Variants in KLHL13 observed in about 807,000 individuals in gnomAD.
The protein encoded by KLHL13 is kelch like family member 13.
KLHL13 carries 10 observed loss-of-function variants against 37.1 expected under a neutral mutation model. The ratio of observed to expected loss-of-function variants is 0.27; its 90% CI spans 0.17 to 0.46. The LOEUF is 0.46. Among genes scored for constraint, KLHL13 ranks in the 20% least tolerant of loss-of-function variants. KLHL13 has a pLI of 1.00. For missense variants in KLHL13, 360 were observed against 509.3 expected (o/e 0.71, Z 2.82); for synonymous variants, 163 against 181.2 (o/e 0.90, Z 0.81).
At chrX:117,930,240 GGGAGGA>G (rs1569418469) in intron 2 of KLHL13, among the ~76,000 whole-genome samples, 31 of 81,740 alleles carry the variant, frequency 3.8e-4, no homozygotes, top group African/African-American at 8.7e-4. Context: ...AAGGAAGGAA[GGGAGGA>G]AGGAAGGAAG....
chrX:118,101,301 T>A (rs956629631), intron 1 of KLHL13, among the ~76,000 whole-genome samples: 2 of 111,884 alleles, frequency 1.8e-5, no homozygotes, highest in Admixed American at 1.9e-4. Context: ...ATTAGTAAAC[T>A]AAATATTCAT....
chrX:117,930,300 G>A (rs1932378378), intron 2 of KLHL13, among the ~76,000 whole-genome samples: 1 of 105,693 alleles, frequency 9.5e-6, no homozygotes, highest in South Asian at 4.4e-4. Flanking sequence ...AAGGCAGGCA[G>A]GCAGGCAGGC....
intron 1 of KLHL13, among the ~76,000 whole-genome samples, chrX:117,982,875 T>C (rs1283766551): frequency 8.9e-6 from 1 of 111,870 alleles, no homozygotes; most frequent in Non-Finnish European, 1.9e-5. Context: ...CCAGTTGTCA[T>C]AGCAAACTGT....
chrX:118,089,669 A>AGAAAGAAAGAAAGAAAGAAAGAAG (rs1556002570), intron 1 of KLHL13, among the ~76,000 whole-genome samples: 3 of 88,077 alleles, frequency 3.4e-5, no homozygotes, highest in African/African-American at 1.4e-4. Flanking sequence ...AAAGAAAGAA[A>AGAAAGAAAGAAAGAAAGAAAGAAG]AAAGAAAGTT....
At chrX:117,940,016 G>A (rs907303261) in intron 2 of KLHL13, among the ~76,000 whole-genome samples, 1 of 111,609 alleles carries the variant, frequency 9.0e-6, no homozygotes, top group Non-Finnish European at 1.9e-5. Context: ...ACTCTTTGCC[G>A]ATGCCTGTGT....
chrX:118,039,901 G>A (rs775698260), intron 1 of KLHL13, among the ~76,000 whole-genome samples: 1 of 111,524 alleles, frequency 9.0e-6, no homozygotes, highest in Admixed American at 9.5e-5. Flanking sequence ...GAGAGAGAGA[G>A]ACTCCATTTG....
intron 1 of KLHL13, among the ~76,000 whole-genome samples, chrX:118,051,587 G>A (rs1192070265): frequency 9.0e-6 from 1 of 110,515 alleles, no homozygotes; most frequent in African/African-American, 3.3e-5. Flanking sequence ...AAAATTTTAT[G>A]GAAGCACATA....
chrX:117,995,043 G>C (rs774483957), intron 1 of KLHL13, among the ~76,000 whole-genome samples: 2 of 111,991 alleles, frequency 1.8e-5, no homozygotes, highest in African/African-American at 6.5e-5. Context: ...GCGAGACTCT[G>C]TCTCTAAAAC....
At chrX:118,031,853 C>T (rs2148034009) in intron 1 of KLHL13, among the ~76,000 whole-genome samples, 1 of 108,331 alleles carries the variant, frequency 9.2e-6, no homozygotes, top group Admixed American at 1.0e-4. Flanking sequence ...CTAGGGAGTG[C>T]CAGTCAGTGG....
At chrX:118,078,739 T>C (rs1261346098) in intron 1 of KLHL13, among the ~76,000 whole-genome samples, 2 of 111,952 alleles carry the variant, frequency 1.8e-5, no homozygotes, top group Non-Finnish European at 3.8e-5. Flanking sequence ...ATACATATTT[T>C]TCTGTGAACA....
intron 1 of KLHL13, among the ~76,000 whole-genome samples, chrX:118,045,720 T>C (rs2054553385): frequency 9.0e-6 from 1 of 110,783 alleles, no homozygotes; most frequent in Admixed American, 9.6e-5. Context: ...GACAAGAGAA[T>C]TGCTTGAACC....
chrX:118,024,387 G>T (rs1007074208), intron 1 of KLHL13, among the ~76,000 whole-genome samples: 8 of 111,525 alleles, frequency 7.2e-5, no homozygotes, highest in African/African-American at 2.6e-4. Flanking sequence ...AAGCATAACA[G>T]AAGAAAAATG....
intron 1 of KLHL13, among the ~76,000 whole-genome samples, chrX:118,072,060 CACT>C (rs2054874351): frequency 9.1e-6 from 1 of 109,813 alleles, no homozygotes. Flanking sequence ...GGAGGCATCA[CACT>C]ACCTGACTTC....
At chrX:117,986,421 C>A (rs2053727330) in intron 1 of KLHL13, among the ~76,000 whole-genome samples, 1 of 111,746 alleles carries the variant, frequency 8.9e-6, no homozygotes, top group Non-Finnish European at 1.9e-5. Context: ...GCAGAAACCA[C>A]ATCACAGAAG....
chrX:117,937,808 C>T (rs1291343402), intron 2 of KLHL13, among the ~76,000 whole-genome samples: 2 of 111,723 alleles, frequency 1.8e-5, no homozygotes, highest in Non-Finnish European at 3.8e-5. Flanking sequence ...AGTATATTCA[C>T]AGATATATGC....
intron 1 of KLHL13, among the ~76,000 whole-genome samples, chrX:118,049,224 A>T (rs1395631846): frequency 3.6e-5 from 4 of 112,051 alleles, no homozygotes; most frequent in Non-Finnish European, 7.5e-5. Context: ...GTCTTCAAAT[A>T]AAATTTTGAT....
At position 118,017,956 on chromosome X, in the gene KLHL13, C is replaced by T. The variant is rs371244498; in HGVS notation, c.-55-72381G>A. ...CTCCAGGAATGCAATCAGAAAATACCGCCACAACAACAAACTGGTGACTCT... is the reference window on the plus strand; with the variant it reads ...CTCCAGGAATGCAATCAGAAAATACTGCCACAACAACAAACTGGTGACTCT... On this transcript the variant is annotated intron_variant, in intron 1 of 6. Transcript: ENST00000371882. Among the ~76,000 whole-genome samples the T allele has an allele frequency of 2.4e-4, 27 of 111,158 alleles. No individual in the cohort carries two copies. The East Asian group carries it at 6.8e-3, about 28-fold the overall frequency.
intron 1 of KLHL13, among the ~76,000 whole-genome samples, chrX:118,045,485 T>C (rs2054550491): frequency 1.8e-5 from 2 of 110,593 alleles, no homozygotes; most frequent in Admixed American, 1.9e-4. Context: ...CTGATATCAT[T>C]GATCATTAGA....
chrX:118,095,124 G>A (rs919119722), intron 1 of KLHL13, among the ~76,000 whole-genome samples: 3 of 111,571 alleles, frequency 2.7e-5, no homozygotes, highest in Non-Finnish European at 5.6e-5. Flanking sequence ...AGACCCACCA[G>A]TGTGCTGCAT....
Sources: gnomAD v4.1 joint callset for allele counts (sites outside exome capture counted in the v4.1 genomes callset) on GRCh38, gnomAD v4.1.1 for gene constraint, MANE v1.5 for transcripts, NCBI Gene and HGNC (gene_info 2026-07-23, HGNC 2026-07-21) for gene names.